NAPG: variants seen among roughly 807,000 people sequenced by gnomAD.
NAPG encodes gamma-soluble NSF attachment protein.
A neutral mutation model predicts 48.4 loss-of-function variants in NAPG; 25 were observed. The observed-to-expected ratio is 0.52, with a 90% CI of 0.38 to 0.72. The LOEUF (loss-of-function observed/expected upper bound fraction) is 0.72, where lower values mean the gene tolerates loss of function less well. Among genes scored for constraint, NAPG ranks in the 30% least tolerant of loss-of-function variants. The pLI is 0.00. For synonymous variants in NAPG, 139 were observed against 127.2 expected (o/e 1.09, Z -0.62); for missense variants, 359 against 372.5 (o/e 0.96, Z 0.30).
intron 1 of NAPG, among the ~76,000 whole-genome samples, chr18:10,527,078 C>T (rs1316027431): frequency 6.6e-6 from 1 of 151,374 alleles, no homozygotes; most frequent in Non-Finnish European, 1.5e-5. Flanking sequence ...GTCCCAGCTA[C>T]TCGGGAGCCT....
At chr18:10,527,740 C>T (rs1187495482) in intron 1 of NAPG, among the ~76,000 whole-genome samples, 1 of 152,160 alleles carries the variant, frequency 6.6e-6, no homozygotes, top group African/African-American at 2.4e-5. Context: ...TGAAAATGTG[C>T]TCTGGGAACA....
intron 1 of NAPG, among the ~76,000 whole-genome samples, chr18:10,527,311 G>A (rs1380222629): frequency 1.3e-5 from 2 of 152,008 alleles, no homozygotes; most frequent in Non-Finnish European, 2.9e-5. Flanking sequence ...CTAATTTTTC[G>A]TAAGAGGAAA....
intron 1 of NAPG, among the ~76,000 whole-genome samples, chr18:10,528,627 G>C (rs980540964): frequency 2.6e-5 from 4 of 152,202 alleles, no homozygotes; most frequent in African/African-American, 9.7e-5. Context: ...CAGTAAGGTT[G>C]ACATGCTTTA....
chr18:10,534,474 A>G lies in NAPG; in HGVS notation c.236A>G (p.Glu79Gly). ...RALFHAAKAY[E>G]QAGMMLKEMQ... ...TTATATTCTCTTTGCAGAGCTTATG[A>G]GCAAGCTGGAATGATGTTGAAGGTC... The change falls in exon 5 of 12, where the codon GAG becomes GGG. Residue 79 changes from glutamate to glycine, a missense_variant. By Grantham distance (98) the Glu-to-Gly change is moderately conservative. Coordinates refer to ENST00000322897, the MANE Select transcript of NAPG (RefSeq NM_003826.3). The surrounding 1 kb of genome is among the most constrained non-coding windows in gnomAD (Gnocchi z 5.0). 6.2e-7 allele frequency: 1 copy of G among 1,613,276 alleles called. No homozygotes were observed. Among genetic ancestry groups the G allele is most frequent in the Non-Finnish European group, 8.5e-7 (1 of 1,179,406 alleles).
Position 10,539,617 on chromosome 18 carries a change from C to A in NAPG, c.259-145C>A. 1 of 661,174 alleles carries A rather than the reference C, an allele frequency of 1.5e-6. No homozygotes were observed. Among genetic ancestry groups the A allele is most frequent in the Non-Finnish European group, 2.6e-6 (1 of 379,316 alleles). The allele number at this position is 661,174 out of a possible 1,614,324, so 41.0% of individuals were successfully genotyped here. A position where few individuals can be genotyped will look rare whatever the true frequency, so the allele number is the denominator to read the frequency against. ...ATAGGTATAGCAAACCACCATGGGACATGTATACCTATGTAACAAACCTGC... is the reference window on the plus strand; with the variant it reads ...ATAGGTATAGCAAACCACCATGGGAAATGTATACCTATGTAACAAACCTGC... On this transcript the variant is annotated intron_variant, in intron 5 of 11. Transcript: ENST00000322897. The surrounding 1 kb of genome is among the most constrained non-coding windows in gnomAD (Gnocchi z 4.7).
intron 2 of NAPG, among the ~76,000 whole-genome samples, chr18:10,531,690 A>G (rs996976808): frequency 6.6e-6 from 1 of 152,222 alleles, no homozygotes; most frequent in Non-Finnish European, 1.5e-5. Context: ...CAAACTTTGT[A>G]TGAATTTTGT....
Position 10,532,767 on chromosome 18 carries a change from G to A in NAPG, c.181G>A (p.Glu61Lys). The change falls in exon 3 of 12, where the codon GAA becomes AAA. Residue 61 changes from glutamate (E) to lysine (K), a missense_variant. Coordinates refer to ENST00000322897, the MANE Select transcript of NAPG (RefSeq NM_003826.3). ...GCAAGCAAAAGATGCCTGCCTGAGG[G>A]AAGCTGTTGCCCATGAAAATAATAG... Reference protein sequence around the residue: ...FEQAKDACLREAVAHENNRAL... With the variant: ...FEQAKDACLRKAVAHENNRAL... 6.3e-7 allele frequency: 1 copy of A among 1,590,976 alleles called. No homozygotes were observed. Among genetic ancestry groups the A allele is most frequent in the Non-Finnish European group, 8.6e-7 (1 of 1,167,238 alleles).
At chr18:10,545,826 C>T (rs1391129646) in intron 8 of NAPG, among the ~76,000 whole-genome samples, 1 of 152,206 alleles carries the variant, frequency 6.6e-6, no homozygotes, top group East Asian at 1.9e-4. Context: ...TTGTTTAGGT[C>T]TCTAACTTGC....
rs753485004 is a variant in NAPG at position 10,549,114 on chromosome 18, C to T, written c.795+18C>T. The T allele has an allele frequency of 3.8e-5, 61 of 1,598,292 alleles. No individual in the cohort carries two copies. The highest frequency in any genetic ancestry group is 4.6e-5 in the Non-Finnish European group (54 of 1,169,340). On this transcript the variant is annotated intron_variant, in intron 11 of 11. Coordinates refer to ENST00000322897, the MANE Select transcript of NAPG (RefSeq NM_003826.3). ...ACAATGATGTAAGTGGACCCATTTGCATAGCTTTCATCTTTTCTCTTGAAA... is the reference window on the plus strand; with the variant it reads ...ACAATGATGTAAGTGGACCCATTTGTATAGCTTTCATCTTTTCTCTTGAAA...
chr18:10,529,134 C>T (rs993640135), intron 1 of NAPG, among the ~76,000 whole-genome samples: 20 of 152,172 alleles, frequency 1.3e-4, no homozygotes, highest in Admixed American at 1.2e-3. Flanking sequence ...CAGTTTTAAA[C>T]TCTCTGGGTC....
chr18:10,549,958 T>C (rs1360279463), intron 11 of NAPG, 119 bp from the exon 12 acceptor site: 4 of 1,073,550 alleles, frequency 3.7e-6, no homozygotes, highest in Non-Finnish European at 5.0e-6. Context: ...TTTTTCCATC[T>C]GAATGGTAGA....
chr18:10,540,275 A>G lies in NAPG; in HGVS notation c.436-54A>G, dbSNP rs1044501886. 18 of 1,488,664 alleles carry G rather than the reference A, an allele frequency of 1.2e-5. No individual in the cohort carries two copies. In the Admixed American group the frequency reaches 2.1e-4, roughly 17 times the overall value. The allele number at this position is 1,488,664 out of a possible 1,614,324, so 92.2% of individuals were successfully genotyped here. On this transcript the variant is annotated intron_variant, in intron 7 of 11. Transcript: ENST00000322897. ...CTTTACAAAATAAATATTAGGGGATAAAAACATTTCAACATTAAAGCAGCC... is the reference window on the plus strand; with the variant it reads ...CTTTACAAAATAAATATTAGGGGATGAAAACATTTCAACATTAAAGCAGCC...
chr18:10,546,207 C>CTAA lies in NAPG; in HGVS notation c.507-113_507-111dup. ...GGAAACCTGGGTCCTGGGGCAGCTG[C>CTAA]TAATAATACCTGTCCTCCTGGTGTC... On this transcript the variant is annotated intron_variant, in intron 8 of 11. Coordinates refer to ENST00000322897, the MANE Select transcript of NAPG (RefSeq NM_003826.3). The surrounding 1 kb of genome is among the most constrained non-coding windows in gnomAD (Gnocchi z 4.0). The CTAA allele has an allele frequency of 1.9e-6, 1 of 520,424 alleles. No individual in the cohort carries two copies. Among genetic ancestry groups the CTAA allele is most frequent in the Non-Finnish European group, 3.2e-6 (1 of 308,490 alleles). 32.2% of individuals were successfully genotyped at this position (520,424 alleles called of 1,614,324 possible).
chr18:10,528,254 A>G (rs1340582513), intron 1 of NAPG, among the ~76,000 whole-genome samples: 1 of 152,208 alleles, frequency 6.6e-6, no homozygotes, highest in Admixed American at 6.5e-5. Context: ...GGACTTTGAC[A>G]TATTCAGTAA....
chr18:10,531,130 T>C (rs1421966673), intron 2 of NAPG, among the ~76,000 whole-genome samples: 2 of 152,184 alleles, frequency 1.3e-5, no homozygotes, highest in Non-Finnish European at 2.9e-5. Context: ...CTCCAGTTAT[T>C]TGAATACCAT....
In NAPG at chr18:10,550,301, A is replaced by G. The variant is rs1218355006; in HGVS notation, c.*81A>G. ...TCAAGGACTTGGGAATAGATTAGGG[A>G]TATCCGTACTTCATTACAGTCATGA... is the stretch of plus-strand genomic sequence containing the variant. On this transcript the variant is annotated 3_prime_UTR_variant, in exon 12 of 12. Coordinates refer to ENST00000322897, the MANE Select transcript of NAPG (RefSeq NM_003826.3). 3 of 1,413,834 alleles carry G rather than the reference A, an allele frequency of 2.1e-6. No individual in the cohort carries two copies. Among genetic ancestry groups the G allele is most frequent in the Non-Finnish European group, 2.8e-6 (3 of 1,065,480 alleles). 87.6% of individuals were successfully genotyped at this position (1,413,834 alleles called of 1,614,324 possible).
At position 10,543,321 on chromosome 18, in the gene NAPG, C is replaced by T. The variant is rs1446326175; in HGVS notation, c.506+2922C>T. 6.6e-6 allele frequency among the ~76,000 whole-genome samples: 1 copy of T among 152,014 alleles called. No individual in the cohort carries two copies. Among genetic ancestry groups the T allele is most frequent in the African/African-American group, 2.4e-5 (1 of 41,384 alleles). The stretch of plus-strand genomic sequence containing the variant: ...CTTCTCACCAGTTGTCTGAGACAGT[C>T]ACTAGATCCTAAACACAAGGAGGGT... On this transcript the variant is annotated intron_variant, in intron 8 of 11. Transcript: ENST00000322897. The surrounding 1 kb of genome is among the most constrained non-coding windows in gnomAD (Gnocchi z 4.4).
Position 10,548,396 on chromosome 18 carries a change from C to A in NAPG, c.665+18C>A. 6.2e-7 allele frequency: 1 copy of A among 1,601,124 alleles called. No homozygotes were observed. The highest frequency in any genetic ancestry group is 8.6e-7 in the Non-Finnish European group (1 of 1,168,542). ...AGCTATAGGTAAGACGTTGTCTGGG[C>A]CCTCTTGACTTGCAGTGGCGACACC... On this transcript the variant is annotated intron_variant, in intron 10 of 11. Coordinates refer to ENST00000322897, the MANE Select transcript of NAPG (RefSeq NM_003826.3). The surrounding 1 kb of genome is among the most constrained non-coding windows in gnomAD (Gnocchi z 4.4).
intron 5 of NAPG, among the ~76,000 whole-genome samples, chr18:10,537,945 C>T (rs1482621997): frequency 2.0e-5 from 3 of 152,048 alleles, no homozygotes; most frequent in Non-Finnish European, 2.9e-5. Context: ...ATGAATTTGT[C>T]AACTTAGCAA....
Sources: allele counts gnomAD v4.1 joint callset (sites outside exome capture counted in the v4.1 genomes callset), GRCh38; gene constraint gnomAD v4.1.1; non-coding constraint Gnocchi (gnomAD v3.1); transcripts MANE v1.5; gene names NCBI Gene and HGNC (gene_info 2026-07-23, HGNC 2026-07-21).